ZNF804B: variants seen among roughly 807,000 people sequenced by gnomAD.
The protein encoded by ZNF804B is zinc finger 804B.
ZNF804B carries 80 observed loss-of-function variants against 101.4 expected under a neutral mutation model. That is an observed-to-expected ratio of 0.79 (90% CI 0.66 to 0.95). ZNF804B has a LOEUF of 0.95. Ranked by LOEUF, ZNF804B falls within the 40% of genes least tolerant of loss-of-function variation. The pLI is 0.00. For missense variants in ZNF804B, 1,673 were observed against 1,561.9 expected, an observed-to-expected ratio of 1.07 and a Z score of -1.20; for synonymous variants, 622 against 558.8, an observed-to-expected ratio of 1.11 and a Z score of -1.59.
chr7:89,045,224 C>G (rs766170357), intron 1 of ZNF804B, among the ~76,000 whole-genome samples: 6 of 152,204 alleles, frequency 3.9e-5, no homozygotes, highest in Non-Finnish European at 7.3e-5. Flanking sequence ...TGTTTGGGAA[C>G]CTCCACCTAG....
At chr7:89,118,862 G>A (rs979081276) in intron 1 of ZNF804B, among the ~76,000 whole-genome samples, 1 of 152,086 alleles carries the variant, frequency 6.6e-6, no homozygotes, top group Non-Finnish European at 1.5e-5. Context: ...CTCTGAAAGA[G>A]GACTACAGAG....
intron 1 of ZNF804B, among the ~76,000 whole-genome samples, chr7:89,058,723 G>T (rs1789332970): frequency 6.6e-6 from 1 of 152,006 alleles, no homozygotes; most frequent in Non-Finnish European, 1.5e-5. Flanking sequence ...TTTAGATAGG[G>T]TTTCACTCTT....
chr7:89,240,561 C>G (rs1235148641), intron 2 of ZNF804B, among the ~76,000 whole-genome samples: 1 of 151,962 alleles, frequency 6.6e-6, no homozygotes, highest in Non-Finnish European at 1.5e-5. Flanking sequence ...GAAATGAATT[C>G]CCTCCTTACT....
chr7:89,046,277 C>A (rs2116256832), intron 1 of ZNF804B, among the ~76,000 whole-genome samples: 1 of 152,076 alleles, frequency 6.6e-6, no homozygotes, highest in African/African-American at 2.4e-5. Context: ...CAGTCTCAAG[C>A]AGTTCTTTAT....
chr7:88,967,926 C>T (rs1793481117), intron 1 of ZNF804B, among the ~76,000 whole-genome samples: 1 of 151,468 alleles, frequency 6.6e-6, no homozygotes, highest in African/African-American at 2.4e-5. Flanking sequence ...ACCCCAAATA[C>T]ACCTTCATCT....
At chr7:89,087,909 C>A (rs558772188) in intron 1 of ZNF804B, among the ~76,000 whole-genome samples, 42 of 151,734 alleles carry the variant, frequency 2.8e-4, no homozygotes, top group Non-Finnish European at 5.6e-4. Context: ...ATTAGAAAAT[C>A]TCTGGAAATA....
intron 1 of ZNF804B, among the ~76,000 whole-genome samples, chr7:89,069,028 A>G (rs1789496869): frequency 6.6e-6 from 1 of 152,236 alleles, no homozygotes; most frequent in Non-Finnish European, 1.5e-5. Context: ...TGATTGGACA[A>G]CAAAAAGCAT....
At chr7:89,194,922 A>G (rs1788522468) in intron 1 of ZNF804B, among the ~76,000 whole-genome samples, 1 of 152,028 alleles carries the variant, frequency 6.6e-6, no homozygotes, top group Non-Finnish European at 1.5e-5. Flanking sequence ...CATTTTCATG[A>G]TATTGATTCT....
At chr7:89,116,993 A>G (rs575844905) in intron 1 of ZNF804B, among the ~76,000 whole-genome samples, 6 of 152,350 alleles carry the variant, frequency 3.9e-5, no homozygotes, top group African/African-American at 1.4e-4. Context: ...AGGGCGGAAG[A>G]GGCAGCTTTG....
At chr7:88,999,459 G>A (rs556441765) in intron 1 of ZNF804B, among the ~76,000 whole-genome samples, 19 of 151,830 alleles carry the variant, frequency 1.3e-4, no homozygotes, top group Admixed American at 2.0e-4. Flanking sequence ...GTATGAACAA[G>A]GGCAAATTCA....
At chr7:88,896,308 A>G (rs370917189) in intron 1 of ZNF804B, among the ~76,000 whole-genome samples, 10 of 152,190 alleles carry the variant, frequency 6.6e-5, no homozygotes, top group South Asian at 6.2e-4. Flanking sequence ...ATATGGAAAA[A>G]TGGGTGAGAA....
At chr7:88,961,980 C>T (rs1024793797) in intron 1 of ZNF804B, among the ~76,000 whole-genome samples, 1 of 151,172 alleles carries the variant, frequency 6.6e-6, no homozygotes, top group Non-Finnish European at 1.5e-5. Flanking sequence ...TTAGAATTTT[C>T]TCTGTAATAC....
chr7:88,780,524 G>C (rs906558258), intron 1 of ZNF804B, among the ~76,000 whole-genome samples: 2 of 151,200 alleles, frequency 1.3e-5, no homozygotes, highest in Non-Finnish European at 2.9e-5. Flanking sequence ...TGAGTAGCTG[G>C]GACTACAGGT....
At chr7:88,999,305 A>G (rs904134357) in intron 1 of ZNF804B, among the ~76,000 whole-genome samples, 16 of 152,078 alleles carry the variant, frequency 1.1e-4, no homozygotes, top group Admixed American at 9.2e-4. Flanking sequence ...TATCAGTACT[A>G]TATAAAATTG....
chr7:89,135,590 T>G (rs1462701326), intron 1 of ZNF804B, among the ~76,000 whole-genome samples: 1 of 151,512 alleles, frequency 6.6e-6, no homozygotes, highest in East Asian at 1.9e-4. Flanking sequence ...ACACAAGCCA[T>G]TAGATGTGTA....
chr7:89,289,304 G>A (rs904656096), intron 2 of ZNF804B, among the ~76,000 whole-genome samples: 10 of 151,956 alleles, frequency 6.6e-5, no homozygotes, highest in Admixed American at 2.6e-4. Flanking sequence ...TCCGTTGATC[G>A]TCTGCCCCAT....
In ZNF804B at chr7:88,835,127, C is replaced by T. The variant is rs529377872; in HGVS notation, c.108+75043C>T. On this transcript the variant is annotated intron_variant, in intron 1 of 3. Transcript: ENST00000333190. The stretch of plus-strand genomic sequence containing the variant: ...GGAGTTTACACATTGGTAATATTAA[C>T]ATTTTTTAGTGGTAATAAAATTACA... 3.5e-4 allele frequency among the ~76,000 whole-genome samples: 53 copies of T among 151,882 alleles called. 1 individual carries two copies. The highest frequency in any genetic ancestry group is 1.1e-3 in the African/African-American group (47 of 41,494).
chr7:89,207,885 C>T (rs569863766), intron 1 of ZNF804B, among the ~76,000 whole-genome samples: 1 of 152,004 alleles, frequency 6.6e-6, no homozygotes, highest in Non-Finnish European at 1.5e-5. Flanking sequence ...AGCGTTTTCC[C>T]GACTCAGGCT....
intron 1 of ZNF804B, among the ~76,000 whole-genome samples, chr7:88,808,120 G>A (rs1045791857): frequency 1.3e-5 from 2 of 152,046 alleles, no homozygotes; most frequent in Admixed American, 6.6e-5. Context: ...GGCCAGGCAC[G>A]GTGGCTCATG....
Sources: allele counts gnomAD v4.1 joint callset (sites outside exome capture counted in the v4.1 genomes callset), GRCh38; gene constraint gnomAD v4.1.1; transcripts MANE v1.5; gene names NCBI Gene and HGNC (gene_info 2026-07-23, HGNC 2026-07-21).